Variants in DGKB observed in about 807,000 individuals in gnomAD.
DGKB encodes the protein 90 kDa diacylglycerol kinase.
A neutral mutation model predicts 114.3 loss-of-function variants in DGKB; 67 were observed. The ratio of observed to expected loss-of-function variants is 0.59; its 90% CI spans 0.48 to 0.72. The LOEUF (loss-of-function observed/expected upper bound fraction) is 0.72. DGKB is among the 30% of genes least tolerant of loss of function. DGKB has a pLI of 0.00. For missense variants in DGKB, 907 were observed against 975.2 expected (o/e 0.93, Z 0.93); for synonymous variants, 398 against 323.1 (o/e 1.23, Z -2.49).
intron 23 of DGKB, among the ~76,000 whole-genome samples, chr7:14,222,646 T>C (rs1053018458): frequency 6.6e-6 from 1 of 151,490 alleles, no homozygotes; most frequent in Non-Finnish European, 1.5e-5. Flanking sequence ...ATATTTATTA[T>C]ATTGGTGTTT....
intron 23 of DGKB, among the ~76,000 whole-genome samples, chr7:14,311,273 G>C (rs926728166): frequency 5.3e-5 from 8 of 152,152 alleles, no homozygotes; most frequent in Non-Finnish European, 1.2e-4. Flanking sequence ...TAATCACTGG[G>C]TCCACAGACC....
chr7:14,471,669 T>C (rs535368284), intron 21 of DGKB, among the ~76,000 whole-genome samples: 3 of 152,048 alleles, frequency 2.0e-5, no homozygotes, highest in East Asian at 3.9e-4. Context: ...AAGGTATTAA[T>C]ACCTCAAATA....
chr7:14,221,781 C>G (rs1790016390), intron 23 of DGKB, among the ~76,000 whole-genome samples: 1 of 150,392 alleles, frequency 6.6e-6, no homozygotes, highest in African/African-American at 2.5e-5. Context: ...GCCAGTGAAG[C>G]CATCTGGGTC....
chr7:14,645,815 T>G (rs1812870511), intron 13 of DGKB, among the ~76,000 whole-genome samples: 1 of 152,000 alleles, frequency 6.6e-6, no homozygotes, highest in Admixed American at 6.6e-5. Flanking sequence ...ATCACCAGAC[T>G]GGATATACAA....
intron 1 of DGKB, among the ~76,000 whole-genome samples, chr7:14,956,980 T>C (rs981902667): frequency 6.6e-6 from 1 of 151,938 alleles, no homozygotes; most frequent in East Asian, 1.9e-4. Flanking sequence ...GCAGAGGAAT[T>C]GAAATTTTCA....
intron 20 of DGKB, among the ~76,000 whole-genome samples, chr7:14,563,015 A>G (rs1421817658): frequency 2.0e-5 from 3 of 152,158 alleles, no homozygotes; most frequent in African/African-American, 7.2e-5. Context: ...GTGAGAGGTA[A>G]CTGAATCACA....
intron 4 of DGKB, among the ~76,000 whole-genome samples, chr7:14,752,423 G>A (rs1159502891): frequency 6.6e-6 from 1 of 152,104 alleles, no homozygotes; most frequent in African/African-American, 2.4e-5. Flanking sequence ...AATAAAGCAA[G>A]CCCCTGTGGA....
intron 25 of DGKB, among the ~76,000 whole-genome samples, chr7:14,150,585 A>T (rs1301810266): frequency 6.6e-6 from 1 of 152,068 alleles, no homozygotes; most frequent in Non-Finnish European, 1.5e-5. Flanking sequence ...TGCAAAAATA[A>T]ATTGCACCTG....
intron 1 of DGKB, among the ~76,000 whole-genome samples, chr7:14,923,813 G>A (rs1401090555): frequency 1.3e-5 from 2 of 151,918 alleles, no homozygotes; most frequent in South Asian, 2.1e-4. Flanking sequence ...TGGCCAACAT[G>A]AGGAAACCCT....
At chr7:14,668,530 T>C (rs62448676) in intron 13 of DGKB, among the ~76,000 whole-genome samples, 3,297 of 152,180 alleles carry the variant, frequency 0.022, 51 homozygotes, top group South Asian at 0.039. Flanking sequence ...TTTCCTCATA[T>C]GTAAAATGGG....
Position 14,685,249 on chromosome 7 carries a change from A to G in DGKB, c.825T>C (p.Cys275=), listed in dbSNP as rs144814176. The part of the protein sequence containing the change: ...LIGVGKQGLC[C]SFCKYTVHER... ...AGGCAGAGCAAATGTACTCACAGGA[A>G]CAGCAGAGGCCCTGCTTCCCCACGC... Residue 275 remains cysteine (C), a synonymous_variant, in exon 10 of 26, where the codon TGT becomes TGC. Coordinates refer to ENST00000402815, the MANE Select transcript of DGKB (RefSeq NM_001350709.2). 272 of 1,610,974 alleles carry G rather than the reference A, an allele frequency of 1.7e-4. 3 individuals carry two copies. The East Asian group carries it at 5.7e-3, about 34-fold the overall frequency.
chr7:14,667,153 C>T (rs1179363927), intron 13 of DGKB, among the ~76,000 whole-genome samples: 1 of 151,932 alleles, frequency 6.6e-6, no homozygotes, highest in African/African-American at 2.4e-5. Flanking sequence ...CATATATCTA[C>T]TGAATCATTA....
At chr7:14,485,880 A>C (rs1783725280) in intron 20 of DGKB, among the ~76,000 whole-genome samples, 1 of 149,308 alleles carries the variant, frequency 6.7e-6, no homozygotes, top group African/African-American at 2.5e-5. Flanking sequence ...AACAAGAATA[A>C]AACTCCATCT....
chr7:14,566,077 A>G (rs942022115), intron 20 of DGKB, among the ~76,000 whole-genome samples: 1 of 152,124 alleles, frequency 6.6e-6, no homozygotes, highest in Non-Finnish European at 1.5e-5. Flanking sequence ...TTATACTTAT[A>G]TAATTTAATC....
chr7:14,296,487 T>C (rs1001854799), intron 23 of DGKB, among the ~76,000 whole-genome samples: 17 of 152,280 alleles, frequency 1.1e-4, no homozygotes, highest in Admixed American at 7.2e-4. Context: ...GTCTTTATAG[T>C]AGAACGATTT....
At chr7:14,618,208 C>G (rs879416064) in intron 15 of DGKB, among the ~76,000 whole-genome samples, 18 of 151,478 alleles carry the variant, frequency 1.2e-4, no homozygotes, top group Admixed American at 1.1e-3. Flanking sequence ...TACATATATA[C>G]TATACACTTA....
intron 23 of DGKB, among the ~76,000 whole-genome samples, chr7:14,257,639 C>A (rs776922094): frequency 8.5e-5 from 13 of 152,168 alleles, no homozygotes; most frequent in Non-Finnish European, 2.9e-5. Flanking sequence ...CTCTTTCCTG[C>A]ACCCCTGTGA....
intron 2 of DGKB, among the ~76,000 whole-genome samples, chr7:14,826,476 T>G (rs546282713): frequency 6.6e-6 from 1 of 152,264 alleles, no homozygotes; most frequent in South Asian, 2.1e-4. Flanking sequence ...GTCCCTATAT[T>G]CATTTTCTTT....
intron 1 of DGKB, among the ~76,000 whole-genome samples, chr7:14,965,210 C>T (rs1787083035): frequency 6.6e-6 from 1 of 152,038 alleles, no homozygotes; most frequent in Admixed American, 6.6e-5. Flanking sequence ...TTGGTTTATA[C>T]TTGAATGGGG....
Sources: gnomAD v4.1 joint callset for allele counts (sites outside exome capture counted in the v4.1 genomes callset) on GRCh38, gnomAD v4.1.1 for gene constraint, MANE v1.5 for transcripts, NCBI Gene and HGNC (gene_info 2026-07-23, HGNC 2026-07-21) for gene names.